EEF1AKMT1: variants seen among roughly 807,000 people sequenced by gnomAD.
EEF1AKMT1 encodes the protein EEF1A lysine methyltransferase 1.
A neutral mutation model predicts 21.0 loss-of-function variants in EEF1AKMT1; 18 were observed. The ratio of observed to expected loss-of-function variants is 0.86; its 90% confidence interval spans 0.59 to 1.27. The LOEUF is 1.27. EEF1AKMT1 is among the 50% of genes most tolerant of loss of function. The probability of loss-of-function intolerance (pLI) is 0.00; values close to 1 mark genes in which losing one functional copy is unlikely to be tolerated. For missense variants in EEF1AKMT1, 246 were observed against 258.6 expected (o/e 0.95, Z 0.33); for synonymous variants, 109 against 94.8 (o/e 1.15, Z -0.87).
intron 4 of EEF1AKMT1, among the ~76,000 whole-genome samples, chr13:20,729,528 C>T (rs1376566450): frequency 6.6e-6 from 1 of 152,056 alleles, no homozygotes; most frequent in Non-Finnish European, 1.5e-5. Context: ...TATATACACA[C>T]ATATGGAAAG....
At chr13:20,741,480 T>TTAAC (rs2058871066) in intron 2 of EEF1AKMT1, among the ~76,000 whole-genome samples, 1 of 139,956 alleles carries the variant, frequency 7.1e-6, no homozygotes, top group African/African-American at 2.8e-5. Flanking sequence ...TTTTTTGAGA[T>TTAAC]GGAGTCTTGC....
intron 1 of EEF1AKMT1, among the ~76,000 whole-genome samples, chr13:20,768,374 T>C (rs1327053133): frequency 2.0e-5 from 3 of 152,230 alleles, no homozygotes; most frequent in African/African-American, 7.2e-5. Flanking sequence ...CCCTTTGAAG[T>C]ACTCTATCCA....
At chr13:20,746,304 C>T (rs1408681312) in intron 2 of EEF1AKMT1, among the ~76,000 whole-genome samples, 2 of 152,074 alleles carry the variant, frequency 1.3e-5, no homozygotes, top group African/African-American at 4.8e-5. Flanking sequence ...AAGTCCATGC[C>T]ACCACACCTG....
rs530175414 is a variant in EEF1AKMT1, at chr13:20,756,513, A to G, written c.144+942T>C. Among the ~76,000 whole-genome samples the G allele has an allele frequency of 2.0e-5, 3 of 152,338 alleles. No individual in the cohort carries two copies. In the South Asian group the frequency reaches 6.2e-4, roughly 32 times the overall value. ...TTCCACCAGGATTTCTGGGGTCCATAAAAACCGGTGGGGTGTATCTGTAGC... is the reference window on the plus strand; with the variant it reads ...TTCCACCAGGATTTCTGGGGTCCATGAAAACCGGTGGGGTGTATCTGTAGC... On this transcript the variant is annotated intron_variant, in intron 2 of 4. Coordinates refer to ENST00000382758, the MANE Select transcript of EEF1AKMT1 (RefSeq NM_001318939.2).
chr13:20,751,436 C>T (rs1482232037), intron 2 of EEF1AKMT1, among the ~76,000 whole-genome samples: 1 of 152,038 alleles, frequency 6.6e-6, no homozygotes. Flanking sequence ...GTCCTTTCCC[C>T]TTGGCACCTT....
At chr13:20,738,985 G>A (rs887321619) in intron 2 of EEF1AKMT1, among the ~76,000 whole-genome samples, 1 of 152,216 alleles carries the variant, frequency 6.6e-6, no homozygotes, top group Non-Finnish European at 1.5e-5. Flanking sequence ...CGATGAGTGT[G>A]ACAGTTCTTA....
intron 4 of EEF1AKMT1, among the ~76,000 whole-genome samples, chr13:20,730,102 G>C (rs775925852): frequency 6.6e-6 from 1 of 152,216 alleles, no homozygotes; most frequent in Non-Finnish European, 1.5e-5. Flanking sequence ...CTGGGTCTCT[G>C]TTACTCTTCT....
intron 2 of EEF1AKMT1, among the ~76,000 whole-genome samples, chr13:20,743,267 A>AT (rs2089708171): frequency 1.3e-5 from 2 of 151,970 alleles, no homozygotes; most frequent in Admixed American, 1.3e-4. Context: ...AGGTTTCACC[A>AT]TGTTAACCAG....
intron 2 of EEF1AKMT1, among the ~76,000 whole-genome samples, chr13:20,741,099 CTGGAGG>C (rs1459225211): frequency 2.0e-5 from 3 of 151,982 alleles, no homozygotes; most frequent in African/African-American, 7.2e-5. Flanking sequence ...GAGATTCAGC[CTGGAGG>C]TGAGTACCTC....
At chr13:20,764,391 A>T (rs1419259751) in intron 1 of EEF1AKMT1, among the ~76,000 whole-genome samples, 3 of 152,242 alleles carry the variant, frequency 2.0e-5, no homozygotes, top group Admixed American at 6.5e-5. Context: ...AACACTTTTT[A>T]AAAATGCTGA....
chr13:20,746,308 A>G (rs1286881638), intron 2 of EEF1AKMT1, among the ~76,000 whole-genome samples: 1 of 152,028 alleles, frequency 6.6e-6, no homozygotes, highest in East Asian at 1.9e-4. Context: ...CCATGCCACC[A>G]CACCTGGCTA....
At chr13:20,761,987 C>T (rs1387340556) in intron 1 of EEF1AKMT1, among the ~76,000 whole-genome samples, 1 of 151,978 alleles carries the variant, frequency 6.6e-6, no homozygotes, top group African/African-American at 2.4e-5. Context: ...GTAGACCCAG[C>T]TACATGGGAG....
At chr13:20,765,465 T>C (rs1595031083) in intron 1 of EEF1AKMT1, among the ~76,000 whole-genome samples, 1 of 127,468 alleles carries the variant, frequency 7.8e-6, no homozygotes, top group African/African-American at 2.9e-5. Context: ...CAGGCTGGAG[T>C]GCAGTGGTGC....
chr13:20,749,505 G>A (rs2058929347), intron 2 of EEF1AKMT1, among the ~76,000 whole-genome samples: 1 of 152,148 alleles, frequency 6.6e-6, no homozygotes, highest in Non-Finnish European at 1.5e-5. Context: ...TACACAAGAG[G>A]TCAATGTAAT....
intron 2 of EEF1AKMT1, chr13:20,757,236 G>A (rs1391532288): frequency 2.5e-6 from 1 of 405,990 alleles, no homozygotes; most frequent in Non-Finnish European, 4.4e-6. Flanking sequence ...CAACCAGCCT[G>A]ATAGTCAGAA....
chr13:20,730,307 C>T (rs1303969030), intron 4 of EEF1AKMT1, among the ~76,000 whole-genome samples: 1 of 152,216 alleles, frequency 6.6e-6, no homozygotes, highest in Non-Finnish European at 1.5e-5. Flanking sequence ...GCGCCCCTTC[C>T]CACACACGCA....
At chr13:20,767,789 A>G in intron 1 of EEF1AKMT1, among the ~76,000 whole-genome samples, 1 of 152,130 alleles carries the variant, frequency 6.6e-6, no homozygotes, top group East Asian at 1.9e-4. Flanking sequence ...TAGTAGCTTC[A>G]TATTGTACCA....
chr13:20,729,151 G>C lies in EEF1AKMT1; in HGVS notation c.574C>G (p.His192Asp), dbSNP rs776118300. ...GVKMCTFVPR[H>D]TRNLANEFRC... ...AACTCATTTGCCAAGTTCCGGGTGT[G>C]TCTTGGAACAAACGTGCACATCTTC... Residue 192 changes from histidine to aspartate, a missense_variant, in exon 5 of 5, where the codon CAC becomes GAC. By Grantham distance (81) the His-to-Asp change is moderately conservative. Transcript: ENST00000382758. 6 of 1,614,058 alleles carry C rather than the reference G, an allele frequency of 3.7e-6. No individual in the cohort carries two copies. The highest frequency in any genetic ancestry group is 2.7e-5 in the African/African-American group (2 of 74,914).
intron 2 of EEF1AKMT1, among the ~76,000 whole-genome samples, chr13:20,738,543 G>T (rs2141415541): frequency 6.6e-6 from 1 of 152,230 alleles, no homozygotes; most frequent in African/African-American, 2.4e-5. Flanking sequence ...GCCAACTGGG[G>T]GGTTCTCTGC....
Sources: gnomAD v4.1 joint callset for allele counts (sites outside exome capture counted in the v4.1 genomes callset) on GRCh38, gnomAD v4.1.1 for gene constraint, MANE v1.5 for transcripts, NCBI Gene and HGNC (gene_info 2026-07-23, HGNC 2026-07-21) for gene names.